The following SLC24A2 variants were observed in gnomAD, a reference collection of about 807,000 sequenced individuals.
SLC24A2 encodes the protein solute carrier family 24 member 2.
A neutral mutation model predicts 62.0 loss-of-function variants in SLC24A2; 36 were observed. The ratio of observed to expected loss-of-function variants is 0.58; its 90% confidence interval spans 0.44 to 0.77. The LOEUF (loss-of-function observed/expected upper bound fraction) is 0.77, where lower values mean the gene tolerates loss of function less well. SLC24A2 is among the 30% of genes least tolerant of loss of function. SLC24A2 has a pLI of 0.00. For synonymous variants in SLC24A2, 358 were observed against 294.0 expected (o/e 1.22, Z -2.23); for missense variants, 846 against 817.9 (o/e 1.03, Z -0.42).
At chr9:19,887,224 T>C in the SLC24A2 span, among the ~76,000 whole-genome samples, 1 of 152,218 alleles carries the variant, frequency 6.6e-6, no homozygotes, top group Non-Finnish European at 1.5e-5. Flanking sequence ...AAAGTGTTTG[T>C]TCATGTCCTT....
the SLC24A2 span, among the ~76,000 whole-genome samples, chr9:20,148,160 T>A: frequency 6.6e-6 from 1 of 151,932 alleles, no homozygotes; most frequent in African/African-American, 2.4e-5. Context: ...CATTTTTACA[T>A]CGATTTGAAA....
the SLC24A2 span, among the ~76,000 whole-genome samples, chr9:19,816,905 T>C: frequency 1.3e-5 from 2 of 151,940 alleles, no homozygotes; most frequent in Non-Finnish European, 2.9e-5. Flanking sequence ...AACATGAAAT[T>C]TGGGTGAGGA....
chr9:19,563,746 T>C (rs1835516161), intron 7 of SLC24A2, among the ~76,000 whole-genome samples: 1 of 118,686 alleles, frequency 8.4e-6, no homozygotes, highest in Non-Finnish European at 1.6e-5. Context: ...GTTTTTATAA[T>C]GACCCTTCCT....
At chr9:19,856,454 C>G in the SLC24A2 span, among the ~76,000 whole-genome samples, 2 of 151,958 alleles carry the variant, frequency 1.3e-5, no homozygotes, top group Admixed American at 6.6e-5. Flanking sequence ...GGCTGCTGAC[C>G]TTTGGATGGG....
the SLC24A2 span, among the ~76,000 whole-genome samples, chr9:19,886,626 C>T: frequency 0.42 from 63,090 of 151,530 alleles, 13,679 homozygotes; most frequent in East Asian, 0.84. Context: ...AATTAGTTCA[C>T]TGTGGAAGAC....
chr9:19,865,302 A>G, the SLC24A2 span, among the ~76,000 whole-genome samples: 1 of 152,140 alleles, frequency 6.6e-6, no homozygotes, highest in East Asian at 1.9e-4. Flanking sequence ...AAAAATACCA[A>G]TAACATTCTT....
At chr9:19,661,536 G>C (rs757523769) in intron 2 of SLC24A2, among the ~76,000 whole-genome samples, 8 of 152,148 alleles carry the variant, frequency 5.3e-5, no homozygotes, top group Non-Finnish European at 8.8e-5. Context: ...TACAATGTTG[G>C]ACCAATTCAG....
chr9:19,665,953 C>G (rs1819240418), intron 2 of SLC24A2, among the ~76,000 whole-genome samples: 1 of 152,054 alleles, frequency 6.6e-6, no homozygotes, highest in African/African-American at 2.4e-5. Flanking sequence ...GCCACTGCAC[C>G]CGGCCCGTGT....
At chr9:19,937,467 T>G in the SLC24A2 span, among the ~76,000 whole-genome samples, 2 of 152,222 alleles carry the variant, frequency 1.3e-5, no homozygotes, top group African/African-American at 4.8e-5. Flanking sequence ...GATATAGGGA[T>G]AGATTTTGGA....
chr9:20,265,206 C>G, the SLC24A2 span, among the ~76,000 whole-genome samples: 1 of 152,206 alleles, frequency 6.6e-6, no homozygotes, highest in Admixed American at 6.5e-5. Flanking sequence ...TCTGTCAGAG[C>G]AGCCGGCAGT....
chr9:19,746,881 T>C (rs1040956342), intron 2 of SLC24A2, among the ~76,000 whole-genome samples: 1 of 152,152 alleles, frequency 6.6e-6, no homozygotes, highest in Non-Finnish European at 1.5e-5. Flanking sequence ...GTCCCTAACC[T>C]GCTAGATCTG....
the SLC24A2 span, among the ~76,000 whole-genome samples, chr9:19,877,145 A>G: frequency 6.6e-6 from 1 of 151,350 alleles, no homozygotes; most frequent in Non-Finnish European, 1.5e-5. Context: ...GGGAAAAGTG[A>G]TGTTCCTCCC....
the SLC24A2 span, among the ~76,000 whole-genome samples, chr9:19,921,259 C>T: frequency 2.0e-5 from 3 of 151,988 alleles, no homozygotes; most frequent in Non-Finnish European, 4.4e-5. Context: ...CATGGTGGCT[C>T]ACACCTGAAA....
chr9:19,774,061 G>A (rs1822769693), intron 2 of SLC24A2, among the ~76,000 whole-genome samples: 1 of 152,076 alleles, frequency 6.6e-6, no homozygotes, highest in Non-Finnish European at 1.5e-5. Flanking sequence ...ATGAAACCTA[G>A]GAAGTAGGCA....
At chr9:19,967,128 G>A in the SLC24A2 span, 1 of 152,212 alleles carries the variant, frequency 6.6e-6, no homozygotes, top group Admixed American at 6.5e-5. Context: ...AATGGAATGA[G>A]AATATTTCTT....
chr9:20,220,427 G>T, the SLC24A2 span, among the ~76,000 whole-genome samples: 1 of 152,126 alleles, frequency 6.6e-6, no homozygotes, highest in Admixed American at 6.6e-5. Flanking sequence ...TATTCAATCA[G>T]AGCTCCATAT....
chr9:19,964,562 G>C, the SLC24A2 span, among the ~76,000 whole-genome samples: 1 of 152,180 alleles, frequency 6.6e-6, no homozygotes, highest in African/African-American at 2.4e-5. Flanking sequence ...AGATGGCACT[G>C]GACCTAAGCC....
chr9:20,038,438 G>A, the SLC24A2 span, among the ~76,000 whole-genome samples: 16,966 of 152,144 alleles, frequency 0.11, 946 homozygotes, highest in East Asian at 0.18. Context: ...TATATATCCA[G>A]TGTCAGAGGT....
chr9:19,810,907 A>T, the SLC24A2 span, among the ~76,000 whole-genome samples: 7 of 152,346 alleles, frequency 4.6e-5, no homozygotes, highest in African/African-American at 1.4e-4. Context: ...TTAAAATTTT[A>T]AAATAAAACA....
Sources: allele counts gnomAD v4.1 joint callset (sites outside exome capture counted in the v4.1 genomes callset), GRCh38; gene constraint gnomAD v4.1.1; transcripts MANE v1.5; gene names NCBI Gene and HGNC (gene_info 2026-07-23, HGNC 2026-07-21).